The following ENAM variants were observed in gnomAD, a reference collection of about 807,000 sequenced individuals.
The protein encoded by ENAM is enamelin.
In ENAM, 21 loss-of-function variants were observed where a neutral mutation model predicts 33.6. That is an observed-to-expected ratio of 0.63 (90% CI 0.44 to 0.90). The LOEUF (loss-of-function observed/expected upper bound fraction) is 0.90, where lower values mean the gene tolerates loss of function less well. Ranked by LOEUF, ENAM falls within the 40% of genes least tolerant of loss-of-function variation. The probability of loss-of-function intolerance (pLI) is 0.00; values close to 1 mark genes in which losing one functional copy is unlikely to be tolerated. For synonymous variants in ENAM, 473 were observed against 468.4 expected, an observed-to-expected ratio of 1.01 and a Z score of -0.13; for missense variants, 1,388 against 1,366.9, an observed-to-expected ratio of 1.02 and a Z score of -0.24.
At chr4:70,636,842 T>C (rs1560401842) in intron 7 of ENAM, among the ~76,000 whole-genome samples, 1 of 151,834 alleles carries the variant, frequency 6.6e-6, no homozygotes, top group Admixed American at 6.6e-5. Context: ...TTTAAAATCA[T>C]TAAAATAAAA....
rs967843899 is a variant in ENAM at position 70,639,130 on chromosome 4, G to C, written c.588+1287G>C. Among the ~76,000 whole-genome samples, 62 of 152,028 alleles carry C rather than the reference G, an allele frequency of 4.1e-4. 1 individual carries two copies. Among genetic ancestry groups the C allele is most frequent in the Admixed American group, 1.3e-4 (2 of 15,260 alleles). ...TCTTAAAATAACATTGAAGATTACC[G>C]TGTCAGTAATGGTATAAGGCGCTCT... On this transcript the variant is annotated intron_variant, in intron 8 of 8. Transcript: ENST00000396073.
intron 2 of ENAM, among the ~76,000 whole-genome samples, chr4:70,630,357 G>T (rs143593680): frequency 0.018 from 2,687 of 152,274 alleles, 81 homozygotes; most frequent in African/African-American, 0.061. Flanking sequence ...AAGAAAGAAT[G>T]AAAGGAATGA....
Position 70,631,668 on chromosome 4 carries a change from AG to A in ENAM, c.55del. The A allele has an allele frequency of 6.2e-7, 1 of 1,606,030 alleles. No homozygotes were observed. The highest frequency in any genetic ancestry group is 8.5e-7 in the Non-Finnish European group (1 of 1,172,664). On this transcript the variant is annotated splice_acceptor_variant, in intron 2 of 8. Transcript: ENST00000396073. LOFTEE classifies it high-confidence loss of function. ...AAAATAAAAATCAATTTTTTATTCTAGGTACCAAAAGGCAAAATGAAGATTC... is the reference window on the plus strand; with the variant it reads ...AAAATAAAAATCAATTTTTTATTCTAGTACCAAAAGGCAAAATGAAGATTC...
In ENAM at chr4:70,634,470, C is replaced by G. The variant is rs563240539; in HGVS notation, c.373C>G (p.Pro125Ala). Residue 125 changes from proline (P) to alanine (A), a missense_variant, in exon 6 of 9, where the codon CCC (proline) becomes GCC (alanine). By Grantham distance (27) the Pro-to-Ala change is conservative (BLOSUM62 -1). Coordinates refer to ENST00000396073, the MANE Select transcript of ENAM (RefSeq NM_031889.3). ...TGATCAGACCCAAGAAACCCAGAAA[C>G]CCAACCAGACTCAGTCAAAAAAGCC... ...KTDQTQETQK[P>A]NQTQSKKPPQ... 1.2e-5 allele frequency: 20 copies of G among 1,614,106 alleles called. No individual in the cohort carries two copies. The South Asian group carries it at 2.1e-4, about 17-fold the overall frequency.
intron 6 of ENAM, among the ~76,000 whole-genome samples, chr4:70,635,085 C>T (rs1446463011): frequency 6.6e-6 from 1 of 152,112 alleles, no homozygotes; most frequent in South Asian, 2.1e-4. Flanking sequence ...TTCGAAAATA[C>T]TGGCTTTTAG....
At chr4:70,641,722 T>G (rs1738601809) in intron 8 of ENAM, among the ~76,000 whole-genome samples, 1 of 151,920 alleles carries the variant, frequency 6.6e-6, no homozygotes, top group Non-Finnish European at 1.5e-5. Flanking sequence ...ATTAGGAGGA[T>G]GGAGGATGAA....
At chr4:70,638,885 T>G (rs1184860922) in intron 8 of ENAM, among the ~76,000 whole-genome samples, 1 of 151,436 alleles carries the variant, frequency 6.6e-6, no homozygotes, top group African/African-American at 2.4e-5. Flanking sequence ...CTCCACCTTC[T>G]GGATTCAAGC....
At position 70,644,870 on chromosome 4, in the gene ENAM, A is replaced by G. The variant is rs1738717847; in HGVS notation, c.*15A>G. On this transcript the variant is annotated 3_prime_UTR_variant, in exon 9 of 9. Transcript: ENST00000396073. ...TTCAGGCCTAGGGGTTATCCAACCA[A>G]GCATTCTTGGGGAAAGAGAAATCAC... is the stretch of plus-strand genomic sequence containing the variant. 3 of 1,608,318 alleles carry G rather than the reference A, an allele frequency of 1.9e-6. No individual in the cohort carries two copies. Among genetic ancestry groups the G allele is most frequent in the East Asian group, 4.5e-5 (2 of 44,844 alleles).
intron 8 of ENAM, among the ~76,000 whole-genome samples, chr4:70,638,794 CT>C (rs202207649): frequency 2.9e-3 from 402 of 137,156 alleles, no homozygotes; most frequent in East Asian, 0.015. Context: ...TTCTTTCTTT[CT>C]TTTTTTTTTT....
chr4:70,646,573 G>A lies in ENAM; in HGVS notation c.*1718G>A, dbSNP rs1253269196. 6.6e-6 allele frequency: 1 copy of A among 152,070 alleles called. No individual in the cohort carries two copies. Among genetic ancestry groups the A allele is most frequent in the Non-Finnish European group, 1.5e-5 (1 of 68,020 alleles). The allele number at this position is 152,070 out of a possible 1,614,324, so 9.4% of individuals were successfully genotyped here. A position where few individuals can be genotyped will look rare whatever the true frequency, so the allele number is the denominator to read the frequency against. ...CACCGTAGTCTGCTTTTCCTGAAAG[G>A]TGACTGTCTAGGATGCTGAATGAGC... On this transcript the variant is annotated 3_prime_UTR_variant, in exon 9 of 9. Transcript: ENST00000396073.
At position 70,642,992 on chromosome 4, in the gene ENAM, A is replaced by C. The variant is rs1268609398; in HGVS notation, c.1566A>C (p.Leu522Phe). Reference protein sequence around the residue: ...QSQNLPKGIVLGSRRMPYESE... With the variant: ...QSQNLPKGIVFGSRRMPYESE... The stretch of plus-strand genomic sequence containing the variant: ...AGAATTTGCCCAAAGGGATTGTTTT[A>C]GGGTCAAGAAGGATGCCATATGAAT... The change falls in exon 9 of 9, where the codon TTA becomes TTC. Residue 522 changes from leucine to phenylalanine, a missense_variant. Coordinates refer to ENST00000396073, the MANE Select transcript of ENAM (RefSeq NM_031889.3). 1.2e-6 allele frequency: 2 copies of C among 1,614,182 alleles called. No homozygotes were observed. The highest frequency in any genetic ancestry group is 2.2e-5 in the South Asian group (2 of 91,084).
intron 4 of ENAM, 51 bp from the exon 5 acceptor site, chr4:70,632,600 T>C: frequency 7.8e-7 from 1 of 1,276,884 alleles, no homozygotes; most frequent in Non-Finnish European, 1.1e-6. Flanking sequence ...TGTGCATTGA[T>C]TTAATAAAAG....
chr4:70,643,812 G>A lies in ENAM; in HGVS notation c.2386G>A (p.Ala796Thr), dbSNP rs370784226. 6.1e-5 allele frequency: 98 copies of A among 1,614,018 alleles called. No individual in the cohort carries two copies. Among genetic ancestry groups the A allele is most frequent in the Non-Finnish European group, 7.7e-5 (91 of 1,180,030 alleles). ...IWDQATHLQKAPARPPDQKGN... is the reference protein window; with the variant it reads ...IWDQATHLQKTPARPPDQKGN... ...GGATCAGGCAACACATTTACAAAAA[G>A]CCCCAGCTAGGCCACCAGACCAGAA... is the stretch of plus-strand genomic sequence containing the variant. Residue 796 changes from alanine (A) to threonine (T), a missense_variant, in exon 9 of 9, where the codon GCC becomes ACC. Coordinates refer to ENST00000396073, the MANE Select transcript of ENAM (RefSeq NM_031889.3).
Position 70,629,566 on chromosome 4 carries a change from C to G in ENAM, c.54+12C>G, listed in dbSNP as rs781501514. 6.2e-7 allele frequency: 1 copy of G among 1,604,834 alleles called. No individual in the cohort carries two copies. The highest frequency in any genetic ancestry group is 8.5e-7 in the Non-Finnish European group (1 of 1,171,744). ...AACTAGATAACTTGGTGAGTACTTT[C>G]ATTTATTTTTGCCAATACATACAGG... On this transcript the variant is annotated intron_variant, in intron 2 of 8. Transcript: ENST00000396073.
intron 8 of ENAM, among the ~76,000 whole-genome samples, chr4:70,641,415 G>A (rs1738595494): frequency 6.9e-6 from 1 of 145,144 alleles, no homozygotes; most frequent in Non-Finnish European, 1.5e-5. Context: ...TTTTGAGATG[G>A]AGTCTCGCTG....
intron 2 of ENAM, among the ~76,000 whole-genome samples, chr4:70,631,396 C>G (rs1371804959): frequency 1.3e-5 from 2 of 151,996 alleles, no homozygotes; most frequent in Non-Finnish European, 2.9e-5. Context: ...CTCTCTCTGT[C>G]TCTCTCTCTT....
chr4:70,634,084 C>G (rs1281747973), intron 5 of ENAM, among the ~76,000 whole-genome samples: 2 of 152,082 alleles, frequency 1.3e-5, no homozygotes, highest in Non-Finnish European at 2.9e-5. Flanking sequence ...CCTAATTCTG[C>G]CTTTTGGTTT....
chr4:70,633,639 A>G (rs1738378308), intron 5 of ENAM, among the ~76,000 whole-genome samples: 1 of 152,206 alleles, frequency 6.6e-6, no homozygotes, highest in African/African-American at 2.4e-5. Context: ...TGCAAGACTG[A>G]TCATTCATAA....
At position 70,644,188 on chromosome 4, in the gene ENAM, A is replaced by C; in HGVS notation, c.2762A>C (p.Asp921Ala). 6.2e-7 allele frequency: 1 copy of C among 1,614,132 alleles called. No homozygotes were observed. The highest frequency in any genetic ancestry group is 2.2e-5 in the East Asian group (1 of 44,882). Residue 921 changes from aspartate to alanine, a missense_variant, in exon 9 of 9, where the codon GAT (aspartate) becomes GCT (alanine). Asp to Ala is a moderately radical substitution (Grantham distance 126, BLOSUM62 -2). Coordinates refer to ENST00000396073, the MANE Select transcript of ENAM (RefSeq NM_031889.3). Reference protein sequence around the residue: ...TDGSHTKQTRDIISPTSILPG... With the variant: ...TDGSHTKQTRAIISPTSILPG... ...GGTAGTCATACCAAGCAGACAAGAGATATCATCTCCCCAACAAGCATCCTA... is the reference window on the plus strand; with the variant it reads ...GGTAGTCATACCAAGCAGACAAGAGCTATCATCTCCCCAACAAGCATCCTA...
Sources: allele counts gnomAD v4.1 joint callset (sites outside exome capture counted in the v4.1 genomes callset), GRCh38; gene constraint gnomAD v4.1.1; transcripts MANE v1.5; gene names NCBI Gene and HGNC (gene_info 2026-07-23, HGNC 2026-07-21).